Variants in CTIF observed in about 807,000 individuals in gnomAD.
CTIF encodes CBP80/20-dependent translation initiation factor.
CTIF carries 21 observed loss-of-function variants against 66.0 expected under a neutral mutation model. The ratio of observed to expected loss-of-function variants is 0.32; its 90% CI spans 0.23 to 0.46. CTIF has a LOEUF of 0.46. Ranked by LOEUF, CTIF falls within the 20% of genes least tolerant of loss-of-function variation. The pLI is 1.00. For missense variants in CTIF, 739 were observed against 812.7 expected (o/e 0.91, Z 1.10); for synonymous variants, 345 against 326.4 (o/e 1.06, Z -0.62).
intron 7 of CTIF, among the ~76,000 whole-genome samples, chr18:48,741,934 G>C (rs187035282): frequency 6.6e-6 from 1 of 152,254 alleles, no homozygotes; most frequent in Admixed American, 6.5e-5. Flanking sequence ...CTGCCTCCTT[G>C]TCCCCCAGCT....
chr18:48,812,389 C>G (rs761008157), intron 9 of CTIF, among the ~76,000 whole-genome samples: 3 of 152,134 alleles, frequency 2.0e-5, no homozygotes, highest in Non-Finnish European at 1.5e-5. Context: ...CAGGTTTGTT[C>G]TTTTCCCTTC....
At chr18:48,636,521 TG>T in intron 2 of CTIF, 92 bp from the exon 3 acceptor site, 2 of 873,702 alleles carry the variant, frequency 2.3e-6, no homozygotes, top group Non-Finnish European at 1.6e-6. Flanking sequence ...GTCATGCTAA[TG>T]GGGAAGGCCA....
At chr18:48,566,248 C>A (rs1005611579) in intron 1 of CTIF, 1 of 149,852 alleles carries the variant, frequency 6.7e-6, no homozygotes, top group African/African-American at 2.6e-5. Context: ...GGGAGTCATT[C>A]ATTCATTCAT....
intron 10 of CTIF, among the ~76,000 whole-genome samples, chr18:48,828,999 G>A (rs746608167): frequency 1.1e-4 from 17 of 152,318 alleles, no homozygotes; most frequent in Non-Finnish European, 2.4e-4. Context: ...ATTAATGTCT[G>A]AACTTCAAGA....
intron 1 of CTIF, among the ~76,000 whole-genome samples, chr18:48,601,125 T>C (rs1339638009): frequency 6.6e-6 from 1 of 152,182 alleles, no homozygotes; most frequent in Non-Finnish European, 1.5e-5. Flanking sequence ...CCCTCACCAC[T>C]AAGGTGTTAG....
rs1427859532 is a variant in CTIF, at chr18:48,862,875, A to T, written c.*3316A>T. On this transcript the variant is annotated 3_prime_UTR_variant, in exon 12 of 12. Transcript: ENST00000256413. ...GACACCGGCCCGTGTTCCTTGTCAG[A>T]CAGACAGACTCTCAGGCCTGCCTGG... 1 of 152,274 alleles carries T rather than the reference A, an allele frequency of 6.6e-6. No homozygotes were observed. The highest frequency in any genetic ancestry group is 1.9e-4 in the East Asian group (1 of 5,194). 9.4% of individuals were successfully genotyped at this position (152,274 alleles called of 1,614,324 possible). A position where few individuals can be genotyped will look rare whatever the true frequency, so the allele number is the denominator to read the frequency against.
At chr18:48,686,573 TG>T (rs1325529386) in intron 6 of CTIF, among the ~76,000 whole-genome samples, 1 of 152,222 alleles carries the variant, frequency 6.6e-6, no homozygotes, top group African/African-American at 2.4e-5. Context: ...CTTGAGTGCC[TG>T]GGTTCTCAGG....
intron 1 of CTIF, among the ~76,000 whole-genome samples, chr18:48,609,625 G>C (rs2090269578): frequency 6.6e-6 from 1 of 152,184 alleles, no homozygotes; most frequent in Non-Finnish European, 1.5e-5. Flanking sequence ...CTGGAACCCA[G>C]ACTCGGGACC....
intron 9 of CTIF, among the ~76,000 whole-genome samples, chr18:48,807,746 A>AT (rs2068180104): frequency 1.3e-5 from 2 of 151,910 alleles, no homozygotes; most frequent in African/African-American, 4.8e-5. Context: ...TGCCCAGCTA[A>AT]TTTTTTTGTA....
intron 9 of CTIF, among the ~76,000 whole-genome samples, chr18:48,800,374 GA>G (rs1388285620): frequency 6.6e-6 from 1 of 152,188 alleles, no homozygotes; most frequent in Admixed American, 6.5e-5. Flanking sequence ...TCTAGCCAAG[GA>G]AATAAAACAT....
At chr18:48,683,749 G>A (rs1330542427) in intron 6 of CTIF, among the ~76,000 whole-genome samples, 3 of 152,166 alleles carry the variant, frequency 2.0e-5, no homozygotes, top group African/African-American at 7.2e-5. Flanking sequence ...TTCGCTGTGG[G>A]TTTCCTGGAG....
chr18:48,650,783 A>C (rs2091141169), intron 3 of CTIF, among the ~76,000 whole-genome samples: 1 of 152,234 alleles, frequency 6.6e-6, no homozygotes, highest in African/African-American at 2.4e-5. Context: ...CTCTTGGCAG[A>C]AACTCTACAA....
chr18:48,733,732 G>T (rs2092475389), intron 7 of CTIF, among the ~76,000 whole-genome samples: 2 of 152,310 alleles, frequency 1.3e-5, no homozygotes, highest in South Asian at 4.1e-4. Context: ...AAGTCAGCTG[G>T]CCAAGAGGTC....
chr18:48,840,354 C>G (rs1158405112), intron 10 of CTIF, among the ~76,000 whole-genome samples: 2 of 151,752 alleles, frequency 1.3e-5, no homozygotes, highest in Non-Finnish European at 2.9e-5. Flanking sequence ...GCCCTCATCC[C>G]CATGCAGCCT....
chr18:48,664,544 C>G lies in CTIF; in HGVS notation c.424C>G (p.Arg142Gly). Reference sequence around the variant, plus strand: ...CAAGCAGCCCCTGCCACACATCGACCGCGAAGGGTAAGGGGTGCTGGGGCT... The same window carrying G: ...CAAGCAGCCCCTGCCACACATCGACGGCGAAGGGTAAGGGGTGCTGGGGCT... ...TPKQPLPHID[R>G]EGCGKGKLED... The change falls in exon 5 of 12, where the codon CGC (arginine) becomes GGC (glycine). Residue 142 changes from arginine (R) to glycine (G), a missense_variant. This residue lies in a region of CTIF where 529 missense variants were observed against 520.3 expected (regional missense o/e 1.02). Coordinates refer to ENST00000256413, the MANE Select transcript of CTIF (RefSeq NM_014772.3). The G allele has an allele frequency of 6.2e-7, 1 of 1,611,314 alleles. No individual in the cohort carries two copies. Among genetic ancestry groups the G allele is most frequent in the Non-Finnish European group, 8.5e-7 (1 of 1,179,902 alleles).
intron 2 of CTIF, among the ~76,000 whole-genome samples, chr18:48,635,317 CTTTTTCTTTCTTTT>C (rs775183197): frequency 7.5e-6 from 1 of 132,942 alleles, no homozygotes; most frequent in Non-Finnish European, 1.6e-5. Flanking sequence ...TTTTCTTTTT[CTTTTTCTTTCTTTT>C]TTTTTTTTTT....
chr18:48,845,949 A>T (rs947541033), intron 10 of CTIF, among the ~76,000 whole-genome samples: 1 of 152,046 alleles, frequency 6.6e-6, no homozygotes, highest in African/African-American at 2.4e-5. Context: ...TTGCACAGCA[A>T]CCTTCTAACG....
chr18:48,744,549 C>A (rs754955452), intron 7 of CTIF, among the ~76,000 whole-genome samples: 1 of 152,174 alleles, frequency 6.6e-6, no homozygotes, highest in Non-Finnish European at 1.5e-5. Context: ...TTCTCTCTCT[C>A]GTATACATTT....
At chr18:48,612,768 G>A (rs1050115268) in intron 1 of CTIF, among the ~76,000 whole-genome samples, 3 of 152,140 alleles carry the variant, frequency 2.0e-5, no homozygotes, top group South Asian at 2.1e-4. Flanking sequence ...CTGATCTTAC[G>A]GTCACCAAGC....
Sources: gnomAD v4.1 joint callset for allele counts (sites outside exome capture counted in the v4.1 genomes callset) on GRCh38, gnomAD v4.1.1 for gene constraint, gnomAD v4.1.1 regional missense constraint, MANE v1.5 for transcripts, NCBI Gene and HGNC (gene_info 2026-07-23, HGNC 2026-07-21) for gene names.